The following POFUT3 variants were observed in gnomAD, a reference collection of about 807,000 sequenced individuals.
POFUT3 encodes GDP-fucose protein O-fucosyltransferase 3.
chr8:33,382,347 T>C, the POFUT3 span, among the ~76,000 whole-genome samples: 5 of 152,104 alleles, frequency 3.3e-5, no homozygotes, highest in Non-Finnish European at 5.9e-5. Flanking sequence ...GACACACACT[T>C]TTAATTTCAT....
the POFUT3 span, among the ~76,000 whole-genome samples, chr8:33,421,309 A>G: frequency 0.083 from 12,606 of 152,216 alleles, 841 homozygotes; most frequent in African/African-American, 0.18. Context: ...ACTGCCCTCT[A>G]GTGTCACTTT....
the POFUT3 span, among the ~76,000 whole-genome samples, chr8:33,356,340 CCTAA>C: frequency 1.3e-5 from 2 of 152,174 alleles, no homozygotes; most frequent in Non-Finnish European, 2.9e-5. Context: ...CCTGTTGTTT[CCTAA>C]CTTTTTAATG....
At chr8:33,358,732 C>A in the POFUT3 span, among the ~76,000 whole-genome samples, 2 of 151,936 alleles carry the variant, frequency 1.3e-5, no homozygotes, top group African/African-American at 4.8e-5. Flanking sequence ...ACCCAGAGTG[C>A]TGGGCTCGGT....
the POFUT3 span, among the ~76,000 whole-genome samples, chr8:33,357,777 T>C: frequency 3.9e-5 from 6 of 152,124 alleles, no homozygotes; most frequent in Non-Finnish European, 5.9e-5. Context: ...CCCCAGACTC[T>C]GTTTTCCCAA....
the POFUT3 span, among the ~76,000 whole-genome samples, chr8:33,345,644 G>A: frequency 2.6e-5 from 4 of 151,446 alleles, no homozygotes; most frequent in Non-Finnish European, 5.9e-5. Context: ...CAAGTGATCC[G>A]CCCACGTAGG....
the POFUT3 span, among the ~76,000 whole-genome samples, chr8:33,341,958 C>T: frequency 6.6e-6 from 1 of 151,882 alleles, no homozygotes; most frequent in Non-Finnish European, 1.5e-5. Flanking sequence ...TTTGAGAGGC[C>T]AAGGCCTGAG....
the POFUT3 span, chr8:33,389,375 A>C: frequency 2.5e-6 from 4 of 1,614,152 alleles, no homozygotes; most frequent in Non-Finnish European, 3.4e-6. Flanking sequence ...GATCCTATAA[A>C]AGCCATCGGC....
At chr8:33,384,817 T>C in the POFUT3 span, among the ~76,000 whole-genome samples, 1 of 151,894 alleles carries the variant, frequency 6.6e-6, no homozygotes, top group Non-Finnish European at 1.5e-5. Context: ...TGAGAATCTG[T>C]CTAAAAAAAA....
chr8:33,394,216 AC>A, the POFUT3 span: 1 of 215,446 alleles, frequency 4.6e-6, no homozygotes, highest in Non-Finnish European at 9.3e-6. Flanking sequence ...AATAAAAATT[AC>A]CATCATTTTC....
the POFUT3 span, among the ~76,000 whole-genome samples, chr8:33,441,428 T>C: frequency 1.4e-5 from 2 of 144,730 alleles, no homozygotes; most frequent in Admixed American, 7.0e-5. Flanking sequence ...TTGACCAGGC[T>C]GGAGTGCAAT....
At chr8:33,315,142 A>T in the POFUT3 span, among the ~76,000 whole-genome samples, 2 of 152,212 alleles carry the variant, frequency 1.3e-5, no homozygotes, top group Non-Finnish European at 2.9e-5. Context: ...CGTGATTCAG[A>T]CAGCTAACAC....
chr8:33,417,370 A>T, the POFUT3 span, among the ~76,000 whole-genome samples: 3 of 152,202 alleles, frequency 2.0e-5, no homozygotes, highest in African/African-American at 7.2e-5. Flanking sequence ...AATACATTTA[A>T]TGCCCTTGAA....
At chr8:33,410,877 G>A in the POFUT3 span, among the ~76,000 whole-genome samples, 1 of 151,994 alleles carries the variant, frequency 6.6e-6, no homozygotes, top group Admixed American at 6.6e-5. Flanking sequence ...TGGTACACGG[G>A]GGCCCCAACA....
At chr8:33,458,271 A>T in the POFUT3 span, among the ~76,000 whole-genome samples, 1 of 152,174 alleles carries the variant, frequency 6.6e-6, no homozygotes, top group Non-Finnish European at 1.5e-5. Context: ...GTAAAAAAAA[A>T]ATTAATTTTG....
the POFUT3 span, among the ~76,000 whole-genome samples, chr8:33,466,261 A>T: frequency 2.0e-4 from 31 of 151,858 alleles, no homozygotes; most frequent in African/African-American, 4.8e-4. Context: ...TACAAAAAAA[A>T]TTTTTTTTAA....
At chr8:33,436,769 C>A in the POFUT3 span, 2 of 542,664 alleles carry the variant, frequency 3.7e-6, no homozygotes, top group South Asian at 2.3e-5. Context: ...TGACAAAACG[C>A]TAAAATAGCG....
the POFUT3 span, among the ~76,000 whole-genome samples, chr8:33,449,642 C>A: frequency 6.6e-6 from 1 of 152,074 alleles, no homozygotes; most frequent in East Asian, 1.9e-4. Flanking sequence ...TCCTCAACAC[C>A]ATCCTATGAT....
At chr8:33,362,258 C>A in the POFUT3 span, among the ~76,000 whole-genome samples, 10 of 152,016 alleles carry the variant, frequency 6.6e-5, no homozygotes, top group African/African-American at 2.4e-4. Context: ...TACAAGAGCG[C>A]CTGAAGGAAG....
At chr8:33,365,142 A>G in the POFUT3 span, among the ~76,000 whole-genome samples, 6,998 of 152,310 alleles carry the variant, frequency 0.046, 471 homozygotes, top group African/African-American at 0.15. Context: ...AAACCTGACA[A>G]AAACAAGAAA....
Sources: gnomAD v4.1 joint callset for allele counts (sites outside exome capture counted in the v4.1 genomes callset) on GRCh38, gnomAD v4.1.1 for gene constraint, MANE v1.5 for transcripts, NCBI Gene and HGNC (gene_info 2026-07-23, HGNC 2026-07-21) for gene names.